The following SLC9A9 variants were observed in gnomAD, a reference collection of about 807,000 sequenced individuals.
The protein encoded by SLC9A9 is solute carrier family 9 member A9, also known as sodium/hydrogen exchanger 9.
A neutral mutation model predicts 77.8 loss-of-function variants in SLC9A9; 62 were observed. The ratio of observed to expected loss-of-function variants is 0.80; its 90% CI spans 0.65 to 0.98. The LOEUF (loss-of-function observed/expected upper bound fraction) is 0.98, where lower values mean the gene tolerates loss of function less well. SLC9A9 is among the 50% of genes least tolerant of loss of function. The probability of loss-of-function intolerance (pLI) is 0.00; values close to 1 mark genes in which losing one functional copy is unlikely to be tolerated. For missense variants in SLC9A9, 775 were observed against 774.9 expected, an observed-to-expected ratio of 1.00 and a Z score of 0.00; for synonymous variants, 320 against 283.5, an observed-to-expected ratio of 1.13 and a Z score of -1.29.
chr3:143,827,211 G>A (rs571512932), intron 2 of SLC9A9, among the ~76,000 whole-genome samples: 23 of 152,288 alleles, frequency 1.5e-4, no homozygotes, highest in African/African-American at 5.5e-4. Context: ...TCATGTAATA[G>A]GATGTAGGCC....
At chr3:143,342,420 AGTG>A (rs1366031115) in intron 14 of SLC9A9, 1 of 152,210 alleles carries the variant, frequency 6.6e-6, no homozygotes, top group Non-Finnish European at 1.5e-5. Flanking sequence ...GCTGACCTCA[AGTG>A]ATCCACCCTT....
At chr3:143,285,716 G>A (rs1233066475) in intron 14 of SLC9A9, among the ~76,000 whole-genome samples, 3 of 152,168 alleles carry the variant, frequency 2.0e-5, no homozygotes, top group East Asian at 1.9e-4. Flanking sequence ...CATGGGGCTC[G>A]GATTGGTTGG....
chr3:143,844,781 CTTTCTTTCT>C (rs1559824864), intron 1 of SLC9A9, among the ~76,000 whole-genome samples: 1 of 131,896 alleles, frequency 7.6e-6, no homozygotes, highest in African/African-American at 2.9e-5. Context: ...TTCTTTCTTT[CTTTCTTTCT>C]GACACAGTCT....
At chr3:143,693,162 A>G in intron 5 of SLC9A9, 30 bp downstream of exon 5, 1 of 1,528,380 alleles carries the variant, frequency 6.5e-7, no homozygotes, top group East Asian at 2.3e-5. Flanking sequence ...TGATTCTTAA[A>G]AGAAGAAAAT....
chr3:143,485,023 G>C lies in SLC9A9; in HGVS notation c.1315+8630C>G, dbSNP rs565316321. ...GAAGGATTGCAACTTCTAGGAGAAGGCTTGGGAAGTAATTGTGGTTTATTT... is the reference window on the plus strand; with the variant it reads ...GAAGGATTGCAACTTCTAGGAGAAGCCTTGGGAAGTAATTGTGGTTTATTT... On this transcript the variant is annotated intron_variant, in intron 11 of 15. Coordinates refer to ENST00000316549, the MANE Select transcript of SLC9A9 (RefSeq NM_173653.4). Among the ~76,000 whole-genome samples the C allele has an allele frequency of 7.4e-4, 113 of 152,322 alleles. 1 individual carries two copies. Among genetic ancestry groups the C allele is most frequent in the African/African-American group, 2.6e-3 (107 of 41,574 alleles).
At chr3:143,523,792 C>T (rs2036358190) in intron 9 of SLC9A9, among the ~76,000 whole-genome samples, 1 of 151,996 alleles carries the variant, frequency 6.6e-6, no homozygotes, top group Non-Finnish European at 1.5e-5. Context: ...TAAATCATGA[C>T]AACATTGTGA....
chr3:143,642,040 C>G (rs1186726506), intron 6 of SLC9A9, among the ~76,000 whole-genome samples: 1 of 152,172 alleles, frequency 6.6e-6, no homozygotes. Context: ...CCTATTTCTA[C>G]TCAATAATAT....
intron 9 of SLC9A9, among the ~76,000 whole-genome samples, chr3:143,532,541 C>G (rs1298601045): frequency 6.6e-6 from 1 of 152,080 alleles, no homozygotes; most frequent in Non-Finnish European, 1.5e-5. Flanking sequence ...AGTGGGGAAA[C>G]TTAAATTTTA....
intron 14 of SLC9A9, among the ~76,000 whole-genome samples, chr3:143,338,833 C>T (rs1461902261): frequency 2.6e-5 from 4 of 152,182 alleles, no homozygotes; most frequent in Non-Finnish European, 4.4e-5. Context: ...GAAAAGGTTA[C>T]TTGCCCAAGT....
intron 6 of SLC9A9, chr3:143,626,657 C>A (rs1032699582): frequency 6.6e-6 from 1 of 151,958 alleles, no homozygotes; most frequent in Non-Finnish European, 1.5e-5. Flanking sequence ...TGGAGATATA[C>A]CTAATGTTAA....
At chr3:143,684,834 ATG>A (rs1240865614) in intron 5 of SLC9A9, among the ~76,000 whole-genome samples, 1 of 152,096 alleles carries the variant, frequency 6.6e-6, no homozygotes, top group Admixed American at 6.6e-5. Flanking sequence ...AAGCAGAAAA[ATG>A]AGACTGGGAG....
At chr3:143,466,603 G>A (rs1008132446) in intron 12 of SLC9A9, among the ~76,000 whole-genome samples, 3 of 152,144 alleles carry the variant, frequency 2.0e-5, no homozygotes, top group Non-Finnish European at 2.9e-5. Flanking sequence ...CTATGTCCCT[G>A]TTTCTGTTGT....
At chr3:143,843,391 G>A (rs1483814198) in intron 1 of SLC9A9, among the ~76,000 whole-genome samples, 1 of 152,178 alleles carries the variant, frequency 6.6e-6, no homozygotes, top group Non-Finnish European at 1.5e-5. Flanking sequence ...CTATGTAACT[G>A]TATTTTCTTT....
intron 12 of SLC9A9, among the ~76,000 whole-genome samples, chr3:143,450,972 G>A (rs1266116851): frequency 1.3e-5 from 2 of 152,082 alleles, no homozygotes. Flanking sequence ...AGAGAAAGGA[G>A]GCCTGAGGGG....
chr3:143,533,943 T>C (rs774425715), intron 9 of SLC9A9, among the ~76,000 whole-genome samples: 2 of 152,200 alleles, frequency 1.3e-5, no homozygotes, highest in Non-Finnish European at 2.9e-5. Context: ...ATAAATTGAG[T>C]CATATCTTGC....
At chr3:143,766,592 C>T (rs932706851) in intron 4 of SLC9A9, among the ~76,000 whole-genome samples, 2 of 146,312 alleles carry the variant, frequency 1.4e-5, no homozygotes, top group Non-Finnish European at 2.9e-5. Flanking sequence ...GTTTTTGAGA[C>T]ACAGTCTCAC....
At chr3:143,773,930 G>C (rs1335201318) in intron 4 of SLC9A9, among the ~76,000 whole-genome samples, 1 of 152,096 alleles carries the variant, frequency 6.6e-6, no homozygotes, top group Admixed American at 6.5e-5. Flanking sequence ...ACTCAGTAGG[G>C]GTTTTACAAA....
chr3:143,503,876 A>G, intron 9 of SLC9A9: 1 of 362,244 alleles, frequency 2.8e-6, no homozygotes, highest in Non-Finnish European at 5.4e-6. Flanking sequence ...ATTTACATCC[A>G]TCATGAACAT....
chr3:143,266,993 C>A, intron 15 of SLC9A9, 64 bp from the exon 16 acceptor site: 34 of 1,373,514 alleles, frequency 2.5e-5, no homozygotes, highest in Admixed American at 3.7e-5. Flanking sequence ...AGCAGTCCTA[C>A]AATTTTTTTT....
Sources: gnomAD v4.1 joint callset for allele counts (sites outside exome capture counted in the v4.1 genomes callset) on GRCh38, gnomAD v4.1.1 for gene constraint, MANE v1.5 for transcripts, NCBI Gene and HGNC (gene_info 2026-07-23, HGNC 2026-07-21) for gene names.